Variants in PALM2AKAP2 observed in about 807,000 individuals in gnomAD.
PALM2AKAP2 encodes PALM2-AKAP2 fusion protein.
PALM2AKAP2 carries 37 observed loss-of-function variants against 71.5 expected under a neutral mutation model. That is an observed-to-expected ratio of 0.52 (90% CI 0.40 to 0.68). PALM2AKAP2 has a LOEUF of 0.68. Ranked by LOEUF, PALM2AKAP2 falls within the 30% of genes least tolerant of loss-of-function variation. The pLI, the probability that PALM2AKAP2 is intolerant of heterozygous loss-of-function variation, is 0.00. For synonymous variants in PALM2AKAP2, 468 were observed against 478.8 expected, an observed-to-expected ratio of 0.98 and a Z score of 0.29; for missense variants, 1,224 against 1,191.8, an observed-to-expected ratio of 1.03 and a Z score of -0.40.
At chr9:110,035,538 ATGT>A (rs1208657259) in intron 7 of PALM2AKAP2, among the ~76,000 whole-genome samples, 1 of 144,830 alleles carries the variant, frequency 6.9e-6, no homozygotes, top group Admixed American at 7.0e-5. Flanking sequence ...TATATAGGAT[ATGT>A]TGTGTGTTAT....
At chr9:110,145,042 A>G (rs1293216800) in intron 2 of PALM2AKAP2, among the ~76,000 whole-genome samples, 5 of 151,956 alleles carry the variant, frequency 3.3e-5, no homozygotes, top group African/African-American at 1.2e-4. Context: ...TCTCTCTCCA[A>G]CCTGTAGCTC....
intron 1 of PALM2AKAP2, among the ~76,000 whole-genome samples, chr9:109,799,781 C>T (rs1341661366): frequency 6.6e-6 from 1 of 152,202 alleles, no homozygotes; most frequent in Non-Finnish European, 1.5e-5. Flanking sequence ...AGGCATGAAC[C>T]ACCGCGTCGG....
chr9:109,806,394 T>C, intron 1 of PALM2AKAP2, among the ~76,000 whole-genome samples: 1 of 152,218 alleles, frequency 6.6e-6, no homozygotes, highest in Non-Finnish European at 1.5e-5. Context: ...GTTATAGATA[T>C]ATTTGTGGAT....
intron 6 of PALM2AKAP2, among the ~76,000 whole-genome samples, chr9:109,975,959 A>C (rs1832166362): frequency 6.6e-6 from 1 of 152,232 alleles, no homozygotes; most frequent in Non-Finnish European, 1.5e-5. Context: ...TTAATAATGC[A>C]GTATTTTAGA....
intron 6 of PALM2AKAP2, among the ~76,000 whole-genome samples, chr9:109,980,377 T>C (rs142012838): frequency 5.9e-4 from 89 of 151,990 alleles, no homozygotes; most frequent in African/African-American, 2.1e-3. Flanking sequence ...GCAAGGAGGG[T>C]TTTTCTTCCT....
intron 1 of PALM2AKAP2, among the ~76,000 whole-genome samples, chr9:109,744,913 G>A (rs955832239): frequency 1.3e-5 from 2 of 152,094 alleles, no homozygotes; most frequent in Non-Finnish European, 2.9e-5. Flanking sequence ...CCTCTCTTCC[G>A]GAAGACTCTA....
intron 6 of PALM2AKAP2, among the ~76,000 whole-genome samples, chr9:109,941,002 A>C (rs569389887): frequency 6.6e-6 from 1 of 152,168 alleles, no homozygotes; most frequent in Non-Finnish European, 1.5e-5. Flanking sequence ...TTTGTGGACC[A>C]TATAGTCTTT....
chr9:109,972,263 T>C, intron 6 of PALM2AKAP2, among the ~76,000 whole-genome samples: 1 of 152,190 alleles, frequency 6.6e-6, no homozygotes, highest in South Asian at 2.1e-4. Context: ...AACATAGGTG[T>C]GGATCAGAAG....
At chr9:109,871,703 A>G (rs1189584229) in intron 2 of PALM2AKAP2, among the ~76,000 whole-genome samples, 3 of 152,280 alleles carry the variant, frequency 2.0e-5, no homozygotes, top group East Asian at 3.9e-4. Flanking sequence ...TTATATTAAC[A>G]TTAGCATTGG....
At position 109,905,676 on chromosome 9, in the gene PALM2AKAP2, G is replaced by A. The variant is rs75283542; in HGVS notation, c.258-18059G>A. On this transcript the variant is annotated intron_variant, in intron 3 of 9. Coordinates refer to the PALM2AKAP2 transcript ENST00000302798. ...CCCCAAGCCCCGTTTTGCTGCAGCCGGGTGAGGGCAGTAATGCAGCTCAGT... is the reference window on the plus strand; with the variant it reads ...CCCCAAGCCCCGTTTTGCTGCAGCCAGGTGAGGGCAGTAATGCAGCTCAGT... Among the ~76,000 whole-genome samples, 29 of 152,326 alleles carry A rather than the reference G, an allele frequency of 1.9e-4. No homozygotes were observed. The East Asian group carries it at 4.8e-3, about 25-fold the overall frequency.
intron 5 of PALM2AKAP2, among the ~76,000 whole-genome samples, chr9:109,926,486 G>C (rs981802471): frequency 6.6e-6 from 1 of 152,112 alleles, no homozygotes; most frequent in Non-Finnish European, 1.5e-5. Context: ...CTGTGCTTTG[G>C]GGGTGGGGCA....
rs201715579 is a variant in PALM2AKAP2, at chr9:110,168,386, C to G, written c.2749-13C>G. 6.2e-7 allele frequency: 1 copy of G among 1,609,810 alleles called. No homozygotes were observed. Among genetic ancestry groups the G allele is most frequent in the Non-Finnish European group, 8.5e-7 (1 of 1,178,840 alleles). On this transcript the variant is annotated splice_polypyrimidine_tract_variant and intron_variant, in intron 3 of 3. Coordinates refer to ENST00000374525, the Ensembl canonical transcript of PALM2AKAP2. Reference sequence around the variant, plus strand: ...CCATGAACTCTGCATAATTTTTTCCCCTCTCTTTACAGGTCCTCGAGGCCA... The same window carrying G: ...CCATGAACTCTGCATAATTTTTTCCGCTCTCTTTACAGGTCCTCGAGGCCA...
intron 3 of PALM2AKAP2, among the ~76,000 whole-genome samples, chr9:109,884,883 G>C (rs1829931775): frequency 6.6e-6 from 1 of 152,144 alleles, no homozygotes; most frequent in Non-Finnish European, 1.5e-5. Flanking sequence ...AAAGAACAAG[G>C]AACATTTCTA....
chr9:109,763,289 C>T (rs995680438), intron 1 of PALM2AKAP2, among the ~76,000 whole-genome samples: 2 of 152,130 alleles, frequency 1.3e-5, no homozygotes, highest in Non-Finnish European at 2.9e-5. Context: ...TTCATCCTCC[C>T]CGCCTCCTCA....
intron 3 of PALM2AKAP2, among the ~76,000 whole-genome samples, chr9:109,921,820 G>C (rs1830837301): frequency 6.6e-6 from 1 of 152,224 alleles, no homozygotes; most frequent in Non-Finnish European, 1.5e-5. Flanking sequence ...CTTATAAGCT[G>C]TAGGACTTCT....
At chr9:110,135,164 A>AAATATATATATATATAT in intron 1 of PALM2AKAP2, among the ~76,000 whole-genome samples, 2 of 51,718 alleles carry the variant, frequency 3.9e-5, no homozygotes, top group African/African-American at 7.3e-5. Flanking sequence ...AAAAAAAAAA[A>AAATATATATATATATAT]ATATATAAAT....
At chr9:109,746,228 T>C (rs1828799134) in intron 1 of PALM2AKAP2, among the ~76,000 whole-genome samples, 1 of 152,232 alleles carries the variant, frequency 6.6e-6, no homozygotes, top group Admixed American at 6.5e-5. Flanking sequence ...GGTCCCAGGA[T>C]GTCCTATCTG....
At chr9:109,778,162 A>G (rs1422972483), upstream of PALM2AKAP2, among the ~76,000 whole-genome samples, 2 of 152,236 alleles carry the variant, frequency 1.3e-5, no homozygotes, top group East Asian at 1.9e-4. Flanking sequence ...AAATATCTGT[A>G]TAGCTGGGAG....
At chr9:109,669,198 G>C (rs1243300795) in intron 1 of PALM2AKAP2, among the ~76,000 whole-genome samples, 1 of 151,918 alleles carries the variant, frequency 6.6e-6, no homozygotes, top group African/African-American at 2.4e-5. Context: ...TTTTTCATAG[G>C]TACTCTGTAT....
Sources: allele counts gnomAD v4.1 joint callset (sites outside exome capture counted in the v4.1 genomes callset), GRCh38; gene constraint gnomAD v4.1.1; transcripts MANE v1.5; gene names NCBI Gene and HGNC (gene_info 2026-07-23, HGNC 2026-07-21).